The following TTC39C variants were observed in gnomAD, a reference collection of about 807,000 sequenced individuals.
The protein encoded by TTC39C is tetratricopeptide repeat protein 39C.
Under a neutral mutation model 76.3 loss-of-function variants are expected in TTC39C, and 33 were observed. The ratio of observed to expected loss-of-function variants is 0.43; its 90% CI spans 0.33 to 0.58. The LOEUF is 0.58. TTC39C is among the 20% of genes least tolerant of loss of function. TTC39C has a pLI of 0.04. For missense variants in TTC39C, 595 were observed against 701.4 expected, an observed-to-expected ratio of 0.85 and a Z score of 1.71; for synonymous variants, 254 against 260.6, an observed-to-expected ratio of 0.97 and a Z score of 0.24.
At chr18:24,122,470 C>T (rs992141384) in intron 8 of TTC39C, among the ~76,000 whole-genome samples, 2 of 109,518 alleles carry the variant, frequency 1.8e-5, no homozygotes, top group Admixed American at 3.0e-4. Context: ...CCACTGCACT[C>T]CTGCCTGGTG....
intron 1 of TTC39C, among the ~76,000 whole-genome samples, chr18:24,021,122 G>C (rs964607728): frequency 6.6e-6 from 1 of 152,152 alleles, no homozygotes. Flanking sequence ...AGGCTACGAA[G>C]GACTCAGGGA....
At chr18:24,103,534 C>G (rs1248840607) in intron 6 of TTC39C, among the ~76,000 whole-genome samples, 1 of 152,198 alleles carries the variant, frequency 6.6e-6, no homozygotes, top group African/African-American at 2.4e-5. Flanking sequence ...ACTGAACTCC[C>G]CTACCTTGTC....
chr18:24,015,112 G>C, intron 1 of TTC39C, 74 bp downstream of exon 1: 1 of 1,277,940 alleles, frequency 7.8e-7, no homozygotes, highest in East Asian at 3.2e-5. Context: ...TCGACCTGCG[G>C]CCCCCGGGAG....
At chr18:24,058,923 G>T (rs1436007180) in intron 1 of TTC39C, among the ~76,000 whole-genome samples, 1 of 152,052 alleles carries the variant, frequency 6.6e-6, no homozygotes, top group Admixed American at 6.5e-5. Flanking sequence ...ACCCTCATTT[G>T]TGAAGTGCCT....
At chr18:23,998,622 T>C (rs561150774) in intron 1 of TTC39C, among the ~76,000 whole-genome samples, 1 of 151,852 alleles carries the variant, frequency 6.6e-6, no homozygotes, top group Non-Finnish European at 1.5e-5. Flanking sequence ...AAATATATAA[T>C]AATAATAATA....
Position 24,045,932 on chromosome 18 carries a change from T to A in TTC39C, c.168-18208T>A, listed in dbSNP as rs1452976212. Reference sequence around the variant, plus strand: ...ATATATATATATATATATATATTTTTTTTTTTTTTTTTTTTTTTTTTTTTG... The same window carrying A: ...ATATATATATATATATATATATTTTATTTTTTTTTTTTTTTTTTTTTTTTG... On this transcript the variant is annotated intron_variant, in intron 1 of 13. Transcript: ENST00000317571. Among the ~76,000 whole-genome samples the A allele has an allele frequency of 5.2e-3, 379 of 73,436 alleles. 3 individuals carry two copies. The highest frequency in any genetic ancestry group is 6.4e-3 in the Non-Finnish European group (261 of 40,486). The allele number at this position is 73,436 out of a possible 152,430, so 48.2% of individuals were successfully genotyped here. A position where few individuals can be genotyped will look rare whatever the true frequency, so the allele number is the denominator to read the frequency against.
Position 24,081,028 on chromosome 18 carries a change from TAAA to T in TTC39C, c.815+91_815+93del, listed in dbSNP as rs1039455246. 94 of 1,250,556 alleles carry T rather than the reference TAAA, an allele frequency of 7.5e-5. 1 individual carries two copies. In the Admixed American group the frequency reaches 2.6e-3, roughly 34 times the overall value. The allele number at this position is 1,250,556 out of a possible 1,614,324, so 77.5% of individuals were successfully genotyped here. On this transcript the variant is annotated intron_variant, in intron 5 of 13. Coordinates refer to ENST00000317571, the MANE Select transcript of TTC39C (RefSeq NM_001135993.2). ...CAAAGACTTTAAAGGAAACTTCAGG[TAAA>T]ATGTTTGGTTGGTTGACAGGGTGCT... is the stretch of plus-strand genomic sequence containing the variant.
chr18:23,994,220 C>T (rs2083241694), intron 1 of TTC39C: 1 of 145,238 alleles, frequency 6.9e-6, no homozygotes, highest in Admixed American at 7.1e-5. Context: ...ATGTTTTCCT[C>T]AAAAACCATC....
rs990588401 is a variant in TTC39C at position 24,131,273 on chromosome 18, A to G, written c.1624-609A>G. Reference sequence around the variant, plus strand: ...CTGATTCAGATAAAACCTTTTGATAATCATTAATTTTAAGGTTGTTTAGTA... The same window carrying G: ...CTGATTCAGATAAAACCTTTTGATAGTCATTAATTTTAAGGTTGTTTAGTA... On this transcript the variant is annotated intron_variant, in intron 12 of 13. Coordinates refer to ENST00000317571, the MANE Select transcript of TTC39C (RefSeq NM_001135993.2). 3.3e-5 allele frequency among the ~76,000 whole-genome samples: 5 copies of G among 151,942 alleles called. 1 individual carries two copies. The South Asian group carries it at 1.0e-3, about 32-fold the overall frequency.
At chr18:24,080,170 G>A (rs898198893) in intron 4 of TTC39C, among the ~76,000 whole-genome samples, 1 of 152,176 alleles carries the variant, frequency 6.6e-6, no homozygotes, top group Non-Finnish European at 1.5e-5. Context: ...ATGTAACACA[G>A]GGTAGACAAA....
chr18:24,059,123 C>T (rs2084056448), intron 1 of TTC39C, among the ~76,000 whole-genome samples: 1 of 152,112 alleles, frequency 6.6e-6, no homozygotes, highest in Non-Finnish European at 1.5e-5. Flanking sequence ...GTCTTGATGT[C>T]TGTTCAAGTA....
At chr18:24,091,074 T>A (rs2084510766) in intron 6 of TTC39C, among the ~76,000 whole-genome samples, 2 of 152,258 alleles carry the variant, frequency 1.3e-5, no homozygotes, top group African/African-American at 4.8e-5. Flanking sequence ...CCCGAAGTGC[T>A]GGGATTACAG....
intron 1 of TTC39C, among the ~76,000 whole-genome samples, chr18:24,028,986 G>A (rs1254049043): frequency 2.0e-5 from 3 of 152,148 alleles, no homozygotes; most frequent in Non-Finnish European, 4.4e-5. Flanking sequence ...GCCTCCCAAA[G>A]TGCTGCGATT....
Position 24,045,045 on chromosome 18 carries a change from G to C in TTC39C, c.168-19095G>C, listed in dbSNP as rs899659963. 3.3e-5 allele frequency among the ~76,000 whole-genome samples: 5 copies of C among 152,196 alleles called. No individual in the cohort carries two copies. The South Asian group carries it at 1.0e-3, about 32-fold the overall frequency. On this transcript the variant is annotated intron_variant, in intron 1 of 13. Transcript: ENST00000317571. ...GCACTTTGGGAGGCCAAGGCAGGCA[G>C]ATCACATGAGGTTGGAAGTTTGAGA...
intron 1 of TTC39C, among the ~76,000 whole-genome samples, chr18:24,021,049 C>T (rs1364675543): frequency 6.6e-6 from 1 of 152,118 alleles, no homozygotes; most frequent in Non-Finnish European, 1.5e-5. Flanking sequence ...ATCATTTTTG[C>T]ACCTGGTCTC....
At position 24,014,765 on chromosome 18, in the gene TTC39C, C is replaced by G; in HGVS notation, c.-107C>G. On this transcript the variant is annotated 5_prime_UTR_variant, in exon 1 of 14. Coordinates refer to ENST00000317571, the MANE Select transcript of TTC39C (RefSeq NM_001135993.2). ...TTCTCCCCTCCCCTCCCCTCCCCTC[C>G]CGGCTCCGCTTGGCTCCGGGCAGGT... 8.6e-7 allele frequency: 1 copy of G among 1,162,506 alleles called. No individual in the cohort carries two copies. Among genetic ancestry groups the G allele is most frequent in the African/African-American group, 1.6e-5 (1 of 61,622 alleles). The allele number at this position is 1,162,506 out of a possible 1,614,324, so 72.0% of individuals were successfully genotyped here.
chr18:24,035,691 C>T lies in TTC39C; in HGVS notation c.167+20653C>T, dbSNP rs189786308. 1.7e-3 allele frequency among the ~76,000 whole-genome samples: 235 copies of T among 137,302 alleles called. 2 individuals are homozygous for T. Among genetic ancestry groups the T allele is most frequent in the Middle Eastern group, 7.2e-3 (2 of 278 alleles). 90.1% of individuals were successfully genotyped at this position (137,302 alleles called of 152,430 possible). A position where few individuals can be genotyped will look rare whatever the true frequency, so the allele number is the denominator to read the frequency against. On this transcript the variant is annotated intron_variant, in intron 1 of 13. Coordinates refer to ENST00000317571, the MANE Select transcript of TTC39C (RefSeq NM_001135993.2). ...TTCTGGATATTAACTCCTTATCTAACGTATAATTTTCAGACATTTCCCCCC... is the reference window on the plus strand; with the variant it reads ...TTCTGGATATTAACTCCTTATCTAATGTATAATTTTCAGACATTTCCCCCC...
chr18:24,012,854 C>CACACACACAA (rs1201146315), upstream of TTC39C: 1 of 41,710 alleles, frequency 2.4e-5, no homozygotes, highest in Non-Finnish European at 1.6e-4. Flanking sequence ...CATCAAAACA[C>CACACACACAA]ACACACACAC....
chr18:24,046,726 G>A (rs375505636), intron 1 of TTC39C, among the ~76,000 whole-genome samples: 1 of 151,718 alleles, frequency 6.6e-6, no homozygotes, highest in Non-Finnish European at 1.5e-5. Flanking sequence ...TCTTAGGATA[G>A]ATTCTTAGAA....
Sources: gnomAD v4.1 joint callset for allele counts (sites outside exome capture counted in the v4.1 genomes callset) on GRCh38, gnomAD v4.1.1 for gene constraint, MANE v1.5 for transcripts, NCBI Gene and HGNC (gene_info 2026-07-23, HGNC 2026-07-21) for gene names.